The following MLLT10 variants were observed in gnomAD, a reference collection of about 807,000 sequenced individuals.
MLLT10 encodes MLLT10 histone lysine methyltransferase DOT1L cofactor.
In MLLT10, 30 loss-of-function variants were observed where a neutral mutation model predicts 129.1. The ratio of observed to expected loss-of-function variants is 0.23; its 90% CI spans 0.17 to 0.32. The LOEUF is 0.32. Among genes scored for constraint, MLLT10 ranks in the 10% least tolerant of loss-of-function variants. MLLT10 has a pLI of 1.00. For synonymous variants in MLLT10, 490 were observed against 446.4 expected, an observed-to-expected ratio of 1.10 and a Z score of -1.23; for missense variants, 1,119 against 1,268.3, an observed-to-expected ratio of 0.88 and a Z score of 1.79.
chr10:21,741,304 TTG>T (rs1833575090), intron 22 of MLLT10, among the ~76,000 whole-genome samples: 2 of 152,198 alleles, frequency 1.3e-5, no homozygotes, highest in South Asian at 4.1e-4. Flanking sequence ...AGTGTTTTTC[TTG>T]TGTTAAGAAA....
At chr10:21,634,991 A>G (rs2047328664) in intron 8 of MLLT10, among the ~76,000 whole-genome samples, 1 of 152,184 alleles carries the variant, frequency 6.6e-6, no homozygotes, top group African/African-American at 2.4e-5. Flanking sequence ...CTCATTTTCT[A>G]ACACTGGTTT....
intron 14 of MLLT10, among the ~76,000 whole-genome samples, chr10:21,714,198 T>C (rs1202762605): frequency 1.3e-5 from 2 of 152,142 alleles, no homozygotes; most frequent in Non-Finnish European, 2.9e-5. Flanking sequence ...CTGAATGATA[T>C]AAAATATACT....
intron 3 of MLLT10, chr10:21,556,894 G>A (rs1234164476): frequency 1.3e-6 from 2 of 1,550,684 alleles, no homozygotes; most frequent in Non-Finnish European, 1.7e-6. Context: ...ATGGCTTTAT[G>A]CCATTTATCT....
chr10:21,543,458 T>A (rs996105703), intron 3 of MLLT10, among the ~76,000 whole-genome samples: 1 of 152,006 alleles, frequency 6.6e-6, no homozygotes, highest in Non-Finnish European at 1.5e-5. Context: ...AAAACCTTTT[T>A]AAAATTATAT....
intron 9 of MLLT10, among the ~76,000 whole-genome samples, chr10:21,667,176 C>T (rs1402196855): frequency 6.6e-6 from 1 of 151,914 alleles, no homozygotes; most frequent in Non-Finnish European, 1.5e-5. Flanking sequence ...GAAGATTTTG[C>T]TTTCATTCTT....
At chr10:21,675,644 A>C (rs558512217) in intron 11 of MLLT10, among the ~76,000 whole-genome samples, 2 of 152,348 alleles carry the variant, frequency 1.3e-5, no homozygotes, top group Admixed American at 6.5e-5. Flanking sequence ...CCTTTAGACA[A>C]ATTTAGTCAA....
At chr10:21,727,310 T>C (rs561728543) in intron 15 of MLLT10, among the ~76,000 whole-genome samples, 1 of 152,386 alleles carries the variant, frequency 6.6e-6, no homozygotes, top group South Asian at 2.1e-4. Flanking sequence ...TTCAGGATTC[T>C]GTATTCCTAC....
intron 8 of MLLT10, chr10:21,625,461 A>G: frequency 4.0e-6 from 4 of 997,940 alleles, no homozygotes; most frequent in South Asian, 1.3e-5. Context: ...ACTTCTGGAT[A>G]TGGTTCTTCA....
Position 21,609,741 on chromosome 10 carries a change from GACTTT to G in MLLT10, c.406-2602_406-2598del, listed in dbSNP as rs2044410560. On this transcript the variant is annotated intron_variant, in intron 5 of 22. Coordinates refer to ENST00000307729, the MANE Select transcript of MLLT10 (RefSeq NM_001195626.3). Reference sequence around the variant, plus strand: ...GTCCATTGTTTTGTTTTTTCCCTCTGACTTTACTTAAATTGTAGTGAGTACACTGG... The same window carrying G: ...GTCCATTGTTTTGTTTTTTCCCTCTGACTTAAATTGTAGTGAGTACACTGG... Among the ~76,000 whole-genome samples, 4 of 152,162 alleles carry G rather than the reference GACTTT, an allele frequency of 2.6e-5. No homozygotes were observed. In the South Asian group the frequency reaches 8.3e-4, roughly 32 times the overall value.
chr10:21,555,330 C>G (rs1195474446), intron 3 of MLLT10, among the ~76,000 whole-genome samples: 1 of 152,168 alleles, frequency 6.6e-6, no homozygotes, highest in Non-Finnish European at 1.5e-5. Flanking sequence ...TCAAGCAATT[C>G]TCCCTTCTCA....
intron 13 of MLLT10, among the ~76,000 whole-genome samples, chr10:21,692,649 T>G (rs975423292): frequency 6.6e-6 from 1 of 151,868 alleles, no homozygotes; most frequent in Non-Finnish European, 1.5e-5. Context: ...CCAGTAATTT[T>G]TTTTTTTTTC....
At chr10:21,694,514 T>G (rs1362679085) in intron 13 of MLLT10, among the ~76,000 whole-genome samples, 2 of 152,228 alleles carry the variant, frequency 1.3e-5, no homozygotes, top group Non-Finnish European at 1.5e-5. Context: ...CCATTCCCCA[T>G]CAGATTTTCA....
intron 3 of MLLT10, among the ~76,000 whole-genome samples, chr10:21,584,349 G>A (rs1286020043): frequency 3.3e-5 from 5 of 150,368 alleles, no homozygotes; most frequent in African/African-American, 1.2e-4. Flanking sequence ...ATTTTTAGTA[G>A]AGATGGGGTT....
chr10:21,610,772 A>G lies in MLLT10; in HGVS notation c.406-1576A>G, dbSNP rs115466890. 3.2e-3 allele frequency among the ~76,000 whole-genome samples: 488 copies of G among 151,800 alleles called. 1 individual carries two copies. Among genetic ancestry groups the G allele is most frequent in the African/African-American group, 0.011 (465 of 41,474 alleles). On this transcript the variant is annotated intron_variant, in intron 5 of 22. Transcript: ENST00000307729. Reference sequence around the variant, plus strand: ...CCCAAATTTTGCCATATAGAGTGTTACTGTTTCAATGTGCTCTATTTTTAA... The same window carrying G: ...CCCAAATTTTGCCATATAGAGTGTTGCTGTTTCAATGTGCTCTATTTTTAA...
chr10:21,671,643 G>C (rs749955759), intron 10 of MLLT10, among the ~76,000 whole-genome samples: 5 of 152,170 alleles, frequency 3.3e-5, no homozygotes, highest in Non-Finnish European at 7.3e-5. Flanking sequence ...AAATTAGCCA[G>C]GCATGGTGGC....
chr10:21,558,399 A>C (rs1008118665), intron 3 of MLLT10, among the ~76,000 whole-genome samples: 4 of 152,060 alleles, frequency 2.6e-5, no homozygotes, highest in African/African-American at 9.7e-5. Flanking sequence ...GCAGTGAGCT[A>C]TGATCATGAT....
Position 21,542,110 on chromosome 10 carries a change from A to G in MLLT10, c.240+3198A>G, listed in dbSNP as rs146247300. 3.9e-5 allele frequency among the ~76,000 whole-genome samples: 6 copies of G among 152,280 alleles called. No individual in the cohort carries two copies. The East Asian group carries it at 9.6e-4, about 24-fold the overall frequency. On this transcript the variant is annotated intron_variant, in intron 3 of 22. Coordinates refer to ENST00000307729, the MANE Select transcript of MLLT10 (RefSeq NM_001195626.3). ...TGTCACAGTAGATTGAAGGCTGGAA[A>G]AGATAGGAAAATAAGGTGGGTATTC...
chr10:21,735,106 T>C, intron 20 of MLLT10, 33 bp from the exon 21 acceptor site: 2 of 1,474,628 alleles, frequency 1.4e-6, no homozygotes, highest in Non-Finnish European at 1.9e-6. Flanking sequence ...TAGAGGTGTG[T>C]AGTAAAAAGT....
intron 7 of MLLT10, among the ~76,000 whole-genome samples, chr10:21,616,753 T>G (rs751607263): frequency 6.6e-6 from 1 of 152,088 alleles, no homozygotes; most frequent in Non-Finnish European, 1.5e-5. Flanking sequence ...ATATTTACCT[T>G]TCTATTCTTC....
Sources: gnomAD v4.1 joint callset for allele counts (sites outside exome capture counted in the v4.1 genomes callset) on GRCh38, gnomAD v4.1.1 for gene constraint, MANE v1.5 for transcripts, NCBI Gene and HGNC (gene_info 2026-07-23, HGNC 2026-07-21) for gene names.